Variants in ENG observed in about 807,000 individuals in gnomAD.
The protein encoded by ENG is endoglin.
Under a neutral mutation model 71.0 loss-of-function variants are expected in ENG, and 17 were observed. That is an observed-to-expected ratio of 0.24 (90% CI 0.16 to 0.36). ENG has a LOEUF of 0.36. ENG is among the 10% of genes least tolerant of loss of function. The pLI, the probability that ENG is intolerant of heterozygous loss-of-function variation, is 1.00. For synonymous variants in ENG, 360 were observed against 366.9 expected, an observed-to-expected ratio of 0.98 and a Z score of 0.21; for missense variants, 749 against 868.3, an observed-to-expected ratio of 0.86 and a Z score of 1.73.
Position 127,826,506 on chromosome 9 carries a change from T to A in ENG, c.523+4A>T, listed in dbSNP as rs906966848. On this transcript the variant is annotated splice_donor_region_variant and intron_variant, in intron 4 of 14. Transcript: ENST00000373203. ...AGCCCAGAGAGGTTGCTGGGGAAACTGACCTTGGCCCAGTCGGAGGAGGAT... is the reference window on the plus strand; with the variant it reads ...AGCCCAGAGAGGTTGCTGGGGAAACAGACCTTGGCCCAGTCGGAGGAGGAT... 6.2e-7 allele frequency: 1 copy of A among 1,614,022 alleles called. No individual in the cohort carries two copies.
chr9:127,843,736 CAT>C (rs1554812401), intron 1 of ENG, among the ~76,000 whole-genome samples: 2 of 89,522 alleles, frequency 2.2e-5, no homozygotes, highest in African/African-American at 1.2e-4. Flanking sequence ...CATCCACATA[CAT>C]ATATATATAT....
In ENG at chr9:127,838,978, G is replaced by A. The variant is rs986479976; in HGVS notation, c.219+4116C>T. Among the ~76,000 whole-genome samples the A allele has an allele frequency of 6.6e-6, 1 of 152,156 alleles. No homozygotes were observed. Among genetic ancestry groups the A allele is most frequent in the Non-Finnish European group, 1.5e-5 (1 of 68,014 alleles). ...TCTGTGCCAGAGATCGAAGAAGCCG[G>A]CCATAGGTCAGGAGGGATCCGGCTG... On this transcript the variant is annotated intron_variant, in intron 2 of 14. Transcript: ENST00000373203. This position sits in a 1 kb window ranked among gnomAD's most constrained non-coding sequence, Gnocchi z 4.3.
chr9:127,824,236 A>T, intron 8 of ENG, 68 bp downstream of exon 8: 2 of 1,611,504 alleles, frequency 1.2e-6, no homozygotes, highest in African/African-American at 1.3e-5. Flanking sequence ...GGACCCCAAG[A>T]GTCTTGGGCT....
rs1463403600 is a variant in ENG, at chr9:127,854,274, T to C, written c.67+15A>G. The C allele has an allele frequency of 6.3e-7, 1 of 1,576,840 alleles. No individual in the cohort carries two copies. On this transcript the variant is annotated intron_variant, in intron 1 of 14. Coordinates refer to ENST00000373203, the MANE Select transcript of ENG (RefSeq NM_001114753.3). ...GGAGGCCGAGTCTCCCCACCCTGGG[T>C]CCCTGGACACCTACTTGTGGGGCTG...
chr9:127,823,697 T>C (rs899905438), intron 8 of ENG, among the ~76,000 whole-genome samples: 12 of 143,134 alleles, frequency 8.4e-5, no homozygotes, highest in African/African-American at 1.3e-4. Context: ...TTTTTTTTTT[T>C]CTGAGACAGA....
chr9:127,848,408 C>G (rs1372556312), intron 1 of ENG, among the ~76,000 whole-genome samples: 4 of 152,076 alleles, frequency 2.6e-5, no homozygotes, highest in African/African-American at 2.4e-5. Context: ...TCTGCCTCAG[C>G]CTCCCGAGCA....
At chr9:127,826,289 G>C (rs977043324) in intron 4 of ENG, among the ~76,000 whole-genome samples, 1 of 152,166 alleles carries the variant, frequency 6.6e-6, no homozygotes, top group African/African-American at 2.4e-5. Flanking sequence ...GAAAATGCTG[G>C]GGTTTTAGGT....
At chr9:127,822,709 C>G (rs188179171) in intron 8 of ENG, among the ~76,000 whole-genome samples, 1 of 152,166 alleles carries the variant, frequency 6.6e-6, no homozygotes, top group African/African-American at 2.4e-5. Context: ...GAACACATCT[C>G]TTATGATTAC....
At chr9:127,816,612 G>A (rs1830322573) in intron 13 of ENG, 1 of 244,048 alleles carries the variant, frequency 4.1e-6, no homozygotes, top group South Asian at 5.6e-5. Context: ...TTGGTCCTGG[G>A]CTGGGAGTGG....
At chr9:127,823,568 T>G (rs1414498519) in intron 8 of ENG, among the ~76,000 whole-genome samples, 1 of 151,814 alleles carries the variant, frequency 6.6e-6, no homozygotes, top group East Asian at 1.9e-4. Context: ...TTTTGTATTT[T>G]TAGTAGGGAC....
chr9:127,827,911 C>T (rs1364356011), intron 3 of ENG, among the ~76,000 whole-genome samples: 3 of 149,006 alleles, frequency 2.0e-5, no homozygotes, highest in African/African-American at 7.5e-5. Context: ...CCCAGCTACT[C>T]GGGAGGCTGA....
intron 1 of ENG, among the ~76,000 whole-genome samples, chr9:127,851,023 G>A (rs1831270144): frequency 6.6e-6 from 1 of 151,982 alleles, no homozygotes; most frequent in Non-Finnish European, 1.5e-5. Context: ...CCAAAATGTG[G>A]ACCCATCTGG....
chr9:127,815,430 G>A lies in ENG; in HGVS notation c.*252C>T. 1.6e-6 allele frequency: 1 copy of A among 612,770 alleles called. No homozygotes were observed. The highest frequency in any genetic ancestry group is 2.6e-5 in the South Asian group (1 of 38,180). 38.0% of individuals were successfully genotyped at this position (612,770 alleles called of 1,614,324 possible). On this transcript the variant is annotated 3_prime_UTR_variant, in exon 15 of 15. Transcript: ENST00000373203. ...GGTTTTTACAACAGCGTGGCAAGTG[G>A]TCTGTCTCCTGGGCAGCCATATCCC...
intron 13 of ENG, 132 bp downstream of exon 13, chr9:127,817,017 C>G: frequency 2.8e-6 from 3 of 1,053,172 alleles, no homozygotes. Flanking sequence ...CCTCCTGCCC[C>G]TTCTGGGCCG....
At chr9:127,833,878 C>T (rs1830830706) in intron 2 of ENG, among the ~76,000 whole-genome samples, 1 of 152,174 alleles carries the variant, frequency 6.6e-6, no homozygotes, top group Non-Finnish European at 1.5e-5. Context: ...TTTTAAGTTT[C>T]CTCTTTAAAA....
intron 1 of ENG, among the ~76,000 whole-genome samples, chr9:127,845,751 G>T (rs979520949): frequency 6.6e-6 from 1 of 152,160 alleles, no homozygotes; most frequent in African/African-American, 2.4e-5. Flanking sequence ...CTGTCTCCTG[G>T]GCTGGAGTGC....
rs1400050647 is a variant in ENG at position 127,825,783 on chromosome 9, G to T, written c.601C>A (p.Pro201Thr). 1.3e-6 allele frequency: 2 copies of T among 1,595,778 alleles called. No individual in the cohort carries two copies. The highest frequency in any genetic ancestry group is 1.7e-6 in the Non-Finnish European group (2 of 1,172,612). Residue 201 changes from proline (P) to threonine (T), a missense_variant, in exon 5 of 15, where the codon CCA becomes ACA. Transcript: ENST00000373203. The stretch of plus-strand genomic sequence containing the variant: ...AAGTGGCAGCCCCGGACCAAGGCTG[G>T]AGTACGCGGCCGCCACTCGAGCGTG... Reference protein sequence around the residue: ...GRTLEWRPRTPALVRGCHLEG... With the variant: ...GRTLEWRPRTTALVRGCHLEG...
At chr9:127,829,652 G>C in intron 3 of ENG, 35 bp downstream of exon 3, 1 of 1,613,156 alleles carries the variant, frequency 6.2e-7, no homozygotes, top group East Asian at 2.2e-5. Context: ...CCCATGGCCA[G>C]AGCCTCAGCC....
Position 127,816,006 on chromosome 9 carries a change from A to G in ENG, c.1789T>C (p.Phe597Leu). ...AGGGCCCCGATGAGGAAGGCACCAA[A>G]GGTGATGCCCAGCACGGCGGGCAGG... ...LVLPAVLGITFGAFLIGALLT... is the reference protein window; with the variant it reads ...LVLPAVLGITLGAFLIGALLT... Residue 597 changes from phenylalanine to leucine, a missense_variant, in exon 14 of 15, where the codon TTT becomes CTT. By Grantham distance (22) the Phe-to-Leu change is conservative. Transcript: ENST00000373203. The G allele has an allele frequency of 6.2e-7, 1 of 1,610,858 alleles. No homozygotes were observed. The highest frequency in any genetic ancestry group is 8.5e-7 in the Non-Finnish European group (1 of 1,179,064).
Sources: allele counts gnomAD v4.1 joint callset (sites outside exome capture counted in the v4.1 genomes callset), GRCh38; gene constraint gnomAD v4.1.1; non-coding constraint Gnocchi (gnomAD v3.1); transcripts MANE v1.5; gene names NCBI Gene and HGNC (gene_info 2026-07-23, HGNC 2026-07-21).